Variants in USP31 observed in about 807,000 individuals in gnomAD.
USP31 encodes ubiquitin carboxyl-terminal hydrolase 31.
A neutral mutation model predicts 119.4 loss-of-function variants in USP31; 44 were observed. That is an observed-to-expected ratio of 0.37 (90% confidence interval 0.29 to 0.47). The LOEUF (loss-of-function observed/expected upper bound fraction) is 0.47. Among genes scored for constraint, USP31 ranks in the 20% least tolerant of loss-of-function variants. The pLI is 0.99. For synonymous variants in USP31, 749 were observed against 705.6 expected (o/e 1.06, Z -0.97); for missense variants, 1,643 against 1,730.2 (o/e 0.95, Z 0.89).
Position 23,068,385 on chromosome 16 carries a change from G to A in USP31, c.3720C>T (p.Arg1240=). The A allele has an allele frequency of 6.2e-7, 1 of 1,614,046 alleles. No homozygotes were observed. Among genetic ancestry groups the A allele is most frequent in the Non-Finnish European group, 8.5e-7 (1 of 1,180,048 alleles). Residue 1240 remains arginine (R), a synonymous_variant, in exon 16 of 16, where the codon CGC becomes CGT. Transcript: ENST00000219689. ...AGGCTGTCTTGCCAAGATCCGTCGA[G>A]CGCCGGGTTTCCTTCTGTCTCAAGG... ...KSALRQKETR[R]STDLGKTALL...
At chr16:23,112,243 CT>C (rs1160792911) in intron 1 of USP31, among the ~76,000 whole-genome samples, 3 of 152,144 alleles carry the variant, frequency 2.0e-5, no homozygotes, top group Non-Finnish European at 4.4e-5. Context: ...AATTCAAGTG[CT>C]TTTTTCTCAG....
intron 11 of USP31, among the ~76,000 whole-genome samples, chr16:23,083,679 T>C (rs1448667208): frequency 2.4e-5 from 2 of 83,090 alleles, no homozygotes; most frequent in Admixed American, 2.1e-4. Flanking sequence ...TATTTCATAA[T>C]TGAGTGCAAA....
At chr16:23,073,996 G>A (rs760165136) in intron 13 of USP31, 116 bp from the exon 14 acceptor site, 38 of 1,355,176 alleles carry the variant, frequency 2.8e-5, no homozygotes, top group Admixed American at 1.6e-4. Context: ...TTAAGGCTGC[G>A]TATAGCAACA....
At chr16:23,101,970 TAAAAAA>T (rs34773118) in intron 6 of USP31, among the ~76,000 whole-genome samples, 1 of 85,530 alleles carries the variant, frequency 1.2e-5, no homozygotes, top group Non-Finnish European at 2.3e-5. Context: ...TAGCAAAATT[TAAAAAA>T]AAAAAAAAAA....
intron 1 of USP31, among the ~76,000 whole-genome samples, chr16:23,147,523 T>C (rs553927715): frequency 1.7e-4 from 26 of 152,188 alleles, no homozygotes; most frequent in Non-Finnish European, 3.2e-4. Flanking sequence ...TAGTGCATCC[T>C]AAATGGTCCC....
At position 23,147,679 on chromosome 16, in the gene USP31, C is replaced by G. The variant is rs558474646; in HGVS notation, c.633+959G>C. Among the ~76,000 whole-genome samples, 382 of 152,318 alleles carry G rather than the reference C, an allele frequency of 2.5e-3. 1 individual carries two copies. Among genetic ancestry groups the G allele is most frequent in the Non-Finnish European group, 3.7e-3 (255 of 68,038 alleles). On this transcript the variant is annotated intron_variant, in intron 1 of 15. Coordinates refer to ENST00000219689, the MANE Select transcript of USP31 (RefSeq NM_020718.4). ...GTATAGCTCACCCCTGTAATCCCAG[C>G]ACTTTGGGAGGCCAAAGCGGGGAGA...
At chr16:23,090,930 C>A in intron 6 of USP31, 126 bp from the exon 7 acceptor site, 5 of 858,268 alleles carry the variant, frequency 5.8e-6, no homozygotes, top group South Asian at 3.0e-5. Context: ...AAACTGCAAT[C>A]AAAAAAAGAA....
At chr16:23,100,996 C>A (rs1418793866) in intron 6 of USP31, among the ~76,000 whole-genome samples, 1 of 152,060 alleles carries the variant, frequency 6.6e-6, no homozygotes, top group Non-Finnish European at 1.5e-5. Context: ...AAGGCAAGGA[C>A]CAAATCATGG....
intron 1 of USP31, among the ~76,000 whole-genome samples, chr16:23,146,856 T>C (rs1202780421): frequency 6.6e-6 from 1 of 151,974 alleles, no homozygotes; most frequent in Non-Finnish European, 1.5e-5. Context: ...GGGAAACCAG[T>C]ACCTTTTGCC....
chr16:23,087,067 T>A, intron 9 of USP31, 25 bp downstream of exon 9: 1 of 1,572,300 alleles, frequency 6.4e-7, no homozygotes, highest in Non-Finnish European at 8.7e-7. Flanking sequence ...TTCTAAAAGG[T>A]AATTTAAAAA....
chr16:23,132,142 G>A (rs1219828751), intron 1 of USP31, among the ~76,000 whole-genome samples: 2 of 152,122 alleles, frequency 1.3e-5, no homozygotes, highest in East Asian at 3.9e-4. Flanking sequence ...TCAAACGAAA[G>A]ACAAGATATC....
Position 23,131,110 on chromosome 16 carries a change from G to T in USP31, c.633+17528C>A, listed in dbSNP as rs115290728. Among the ~76,000 whole-genome samples the T allele has an allele frequency of 4.0e-3, 611 of 152,214 alleles. 7 individuals are homozygous for T. The highest frequency in any genetic ancestry group is 0.013 in the African/African-American group (556 of 41,524). ...GGATCACTCAAGGCCAGTAATTTGA[G>T]ACCAGTCTGGGCAACATACCCCATC... On this transcript the variant is annotated intron_variant, in intron 1 of 15. Coordinates refer to ENST00000219689, the MANE Select transcript of USP31 (RefSeq NM_020718.4).
At chr16:23,070,765 C>T (rs998886355) in intron 15 of USP31, among the ~76,000 whole-genome samples, 2 of 151,504 alleles carry the variant, frequency 1.3e-5, no homozygotes, top group African/African-American at 4.8e-5. Flanking sequence ...TTTGGTGTGG[C>T]TCAAAACGTC....
chr16:23,088,269 A>T (rs1045945083), intron 7 of USP31, among the ~76,000 whole-genome samples: 4 of 152,188 alleles, frequency 2.6e-5, no homozygotes, highest in Admixed American at 2.6e-4. Context: ...CTGGCAAGCA[A>T]GTGACAGTGA....
chr16:23,135,388 G>T (rs1903158514), intron 1 of USP31, among the ~76,000 whole-genome samples: 1 of 151,976 alleles, frequency 6.6e-6, no homozygotes, highest in Admixed American at 6.6e-5. Context: ...AAATGAAAAG[G>T]AAGAAGAAAA....
intron 1 of USP31, chr16:23,115,722 C>T (rs1902465838): frequency 2.1e-6 from 2 of 933,978 alleles, no homozygotes; most frequent in South Asian, 5.0e-5. Flanking sequence ...TGATCCTTAG[C>T]ATATAGTTAC....
chr16:23,124,164 G>A (rs1292607087), intron 1 of USP31, among the ~76,000 whole-genome samples: 1 of 151,908 alleles, frequency 6.6e-6, no homozygotes, highest in Non-Finnish European at 1.5e-5. Context: ...CACTCAATAG[G>A]GCCTATGTAG....
At chr16:23,100,039 G>A (rs1031464580) in intron 6 of USP31, among the ~76,000 whole-genome samples, 4 of 152,160 alleles carry the variant, frequency 2.6e-5, no homozygotes, top group African/African-American at 9.7e-5. Context: ...AAGTGTTGGC[G>A]AGGACGTAGA....
chr16:23,144,476 CTT>C, intron 1 of USP31, among the ~76,000 whole-genome samples: 1 of 145,458 alleles, frequency 6.9e-6, no homozygotes, highest in East Asian at 2.0e-4. Context: ...GTTTACCTTT[CTT>C]TTTTTTTTTT....
Sources: gnomAD v4.1 joint callset for allele counts (sites outside exome capture counted in the v4.1 genomes callset) on GRCh38, gnomAD v4.1.1 for gene constraint, MANE v1.5 for transcripts, NCBI Gene and HGNC (gene_info 2026-07-23, HGNC 2026-07-21) for gene names.